TGS1: variants seen among roughly 807,000 people sequenced by gnomAD.
TGS1 encodes the protein trimethylguanosine synthase 1, also known as trimethylguanosine synthase.
A neutral mutation model predicts 92.2 loss-of-function variants in TGS1; 69 were observed. The ratio of observed to expected loss-of-function variants is 0.75; its 90% CI spans 0.62 to 0.91. The LOEUF (loss-of-function observed/expected upper bound fraction) is 0.91. Ranked by LOEUF, TGS1 falls within the 40% of genes least tolerant of loss-of-function variation. The pLI, the probability that TGS1 is intolerant of heterozygous loss-of-function variation, is 0.00. For missense variants in TGS1, 1,062 were observed against 1,001.2 expected, an observed-to-expected ratio of 1.06 and a Z score of -0.82; for synonymous variants, 345 against 338.1, an observed-to-expected ratio of 1.02 and a Z score of -0.22.
intron 10 of TGS1, among the ~76,000 whole-genome samples, chr8:55,808,334 G>A (rs907859953): frequency 2.0e-5 from 3 of 151,870 alleles, no homozygotes; most frequent in African/African-American, 7.3e-5. Context: ...AATATTTATT[G>A]CCTAAAAAAT....
At chr8:55,791,179 C>T (rs1012921016) in intron 5 of TGS1, among the ~76,000 whole-genome samples, 9 of 152,194 alleles carry the variant, frequency 5.9e-5, no homozygotes, top group Admixed American at 5.9e-4. Flanking sequence ...CTACTCGAAG[C>T]AGTGCAATTT....
intron 12 of TGS1, among the ~76,000 whole-genome samples, chr8:55,813,946 T>C (rs1423033792): frequency 6.6e-6 from 1 of 152,106 alleles, no homozygotes; most frequent in East Asian, 1.9e-4. Flanking sequence ...TTTGTTGTTG[T>C]TTTTGTTTTT....
intron 12 of TGS1, among the ~76,000 whole-genome samples, chr8:55,820,175 G>A (rs182594817): frequency 3.9e-5 from 6 of 152,250 alleles, no homozygotes; most frequent in Admixed American, 3.9e-4. Context: ...TATTCTTCCA[G>A]TAGGATGCAG....
At chr8:55,779,114 A>G (rs868712042) in intron 1 of TGS1, among the ~76,000 whole-genome samples, 1 of 152,192 alleles carries the variant, frequency 6.6e-6, no homozygotes, top group African/African-American at 2.4e-5. Context: ...GAGGCCATCA[A>G]TTCATCCAGA....
At chr8:55,809,907 C>G (rs1412043649) in intron 10 of TGS1, among the ~76,000 whole-genome samples, 1 of 152,184 alleles carries the variant, frequency 6.6e-6, no homozygotes, top group East Asian at 1.9e-4. Context: ...CCATCTGTCT[C>G]TGAACTATAA....
chr8:55,773,466 G>C lies in TGS1; in HGVS notation c.-153G>C, dbSNP rs558886851. The C allele has an allele frequency of 1.3e-5, 7 of 552,816 alleles. No individual in the cohort carries two copies. Among genetic ancestry groups the C allele is most frequent in the African/African-American group, 1.2e-4 (6 of 50,618 alleles). 34.2% of individuals were successfully genotyped at this position (552,816 alleles called of 1,614,324 possible). ...GAGCCACTTCCGGCGGCAGCGTCCG[G>C]GCTAGTTCCCGGCGCGAGCGGCCGC... On this transcript the variant is annotated 5_prime_UTR_variant, in exon 1 of 13. Coordinates refer to ENST00000260129, the MANE Select transcript of TGS1 (RefSeq NM_024831.8).
intron 7 of TGS1, among the ~76,000 whole-genome samples, chr8:55,796,416 G>A (rs890384914): frequency 1.1e-4 from 17 of 152,106 alleles, no homozygotes; most frequent in Non-Finnish European, 2.5e-4. Context: ...GCCGTCAGGC[G>A]TGGTGGCTCA....
chr8:55,786,956 G>C lies in TGS1; in HGVS notation c.1058G>C (p.Ser353Thr). ...CATCAACAGCTAAGTGAAGTTAGTA[G>C]CAAAAGAGAGTGCCCTGCTTCCGGC... The part of the protein sequence containing the change: ...DGHQQLSEVS[S>T]KRECPASGQS... The change falls in exon 4 of 13, where the codon AGC becomes ACC. Residue 353 changes from serine (S) to threonine (T), a missense_variant. By Grantham distance (58) the Ser-to-Thr change is moderately conservative. Transcript: ENST00000260129. 6.2e-7 allele frequency: 1 copy of C among 1,614,144 alleles called. No homozygotes were observed. The highest frequency in any genetic ancestry group is 8.5e-7 in the Non-Finnish European group (1 of 1,180,030).
rs535862893 is a variant in TGS1, at chr8:55,815,531, G to T, written c.2439+2413G>T. On this transcript the variant is annotated intron_variant, in intron 12 of 12. Transcript: ENST00000260129. ...CAACCTGAATTTGCAAATGGTTTGG[G>T]ATCCCAAGTGTGTCACTGTCTGCTG... 3.3e-5 allele frequency among the ~76,000 whole-genome samples: 5 copies of T among 152,258 alleles called. No homozygotes were observed. In the East Asian group the frequency reaches 9.7e-4, roughly 29 times the overall value.
intron 1 of TGS1, among the ~76,000 whole-genome samples, chr8:55,778,706 T>C (rs1310058677): frequency 1.3e-5 from 2 of 152,220 alleles, no homozygotes; most frequent in African/African-American, 4.8e-5. Flanking sequence ...GCAAGTCACA[T>C]ATTATTTCTG....
intron 1 of TGS1, among the ~76,000 whole-genome samples, chr8:55,774,317 A>G (rs990843736): frequency 1.2e-4 from 19 of 152,220 alleles, no homozygotes; most frequent in African/African-American, 3.6e-4. Context: ...TTTATATTAA[A>G]TGCGTGAGTT....
chr8:55,794,301 C>G (rs1473588768), intron 6 of TGS1, among the ~76,000 whole-genome samples: 1 of 152,126 alleles, frequency 6.6e-6, no homozygotes, highest in Non-Finnish European at 1.5e-5. Flanking sequence ...AGTGATCCTC[C>G]CATCTCAGCC....
At chr8:55,782,520 A>G (rs911497324) in intron 1 of TGS1, among the ~76,000 whole-genome samples, 2 of 152,218 alleles carry the variant, frequency 1.3e-5, no homozygotes, top group Non-Finnish European at 2.9e-5. Context: ...AAATGCTACC[A>G]TGTATTAAGC....
Position 55,785,812 on chromosome 8 carries a change from T to C in TGS1, c.260T>C (p.Leu87Pro). The C allele has an allele frequency of 1.2e-6, 2 of 1,614,034 alleles. No individual in the cohort carries two copies. The highest frequency in any genetic ancestry group is 2.2e-5 in the East Asian group (1 of 44,882). Residue 87 changes from leucine (L) to proline (P), a missense_variant, in exon 3 of 13, where the codon CTT (leucine) becomes CCT (proline). Transcript: ENST00000260129. Reference sequence around the variant, plus strand: ...GGCATAGGCCTGGATGAAAGTGAACTTGATTCTGAGGCTGAACTCATGAGA... The same window carrying C: ...GGCATAGGCCTGGATGAAAGTGAACCTGATTCTGAGGCTGAACTCATGAGA... ...SKGIGLDESELDSEAELMRSM... is the reference protein window; with the variant it reads ...SKGIGLDESEPDSEAELMRSM...
At chr8:55,789,853 CTG>C (rs1381952266) in intron 4 of TGS1, among the ~76,000 whole-genome samples, 1 of 152,202 alleles carries the variant, frequency 6.6e-6, no homozygotes, top group African/African-American at 2.4e-5. Flanking sequence ...TTAGCCAAAA[CTG>C]TGCTTGATAC....
intron 6 of TGS1, 65 bp downstream of exon 6, chr8:55,792,849 CTG>C (rs1811924319): frequency 7.1e-6 from 7 of 991,286 alleles, no homozygotes; most frequent in Non-Finnish European, 9.6e-6. Context: ...TTAGAGCACT[CTG>C]ATACTCAGAT....
chr8:55,823,865 A>G (rs1426647853), intron 12 of TGS1, among the ~76,000 whole-genome samples: 1 of 152,202 alleles, frequency 6.6e-6, no homozygotes, highest in African/African-American at 2.4e-5. Context: ...TTGTAATCCC[A>G]GCACTTTGGG....
chr8:55,823,401 G>T (rs1332420277), intron 12 of TGS1, among the ~76,000 whole-genome samples: 2 of 152,198 alleles, frequency 1.3e-5, no homozygotes, highest in Non-Finnish European at 2.9e-5. Flanking sequence ...TGTGGAAGTG[G>T]GGAGGGAGCA....
chr8:55,773,811 G>A, intron 1 of TGS1, 92 bp downstream of exon 1: 1 of 1,048,952 alleles, frequency 9.5e-7, no homozygotes, highest in Non-Finnish European at 1.4e-6. Context: ...ATCCCTGAAA[G>A]CAGCCAGAAC....
Sources: allele counts gnomAD v4.1 joint callset (sites outside exome capture counted in the v4.1 genomes callset), GRCh38; gene constraint gnomAD v4.1.1; transcripts MANE v1.5; gene names NCBI Gene and HGNC (gene_info 2026-07-23, HGNC 2026-07-21).